Variants in DMD observed in about 807,000 individuals in gnomAD.
DMD encodes dystrophin, also known as mutant dystrophin.
In DMD, 63 loss-of-function variants were observed where a neutral mutation model predicts 330.1. The ratio of observed to expected loss-of-function variants is 0.19; its 90% CI spans 0.16 to 0.24. The LOEUF is 0.24. Ranked by LOEUF, DMD falls within the 10% of genes least tolerant of loss-of-function variation. The probability of loss-of-function intolerance (pLI) is 1.00; values close to 1 mark genes in which losing one functional copy is unlikely to be tolerated. For synonymous variants in DMD, 1,223 were observed against 959.8 expected (o/e 1.27, Z -5.07); for missense variants, 3,344 against 2,684.1 (o/e 1.25, Z -5.43).
At position 32,435,015 on chromosome X, in the gene DMD, T is replaced by A. The variant is rs562756858; in HGVS notation, c.4071+3226A>T. Among the ~76,000 whole-genome samples, 36 of 93,582 alleles carry A rather than the reference T, an allele frequency of 3.8e-4. No homozygotes were observed. In the South Asian group the frequency reaches 0.02, roughly 53 times the overall value. 81.3% of individuals were successfully genotyped at this position (93,582 alleles called of 115,157 possible). A position where few individuals can be genotyped will look rare whatever the true frequency, so the allele number is the denominator to read the frequency against. On this transcript the variant is annotated intron_variant, in intron 29 of 78. Coordinates refer to ENST00000357033, the MANE Select transcript of DMD (RefSeq NM_004006.3). ...GATAATAGTTTCAAGTTTACTTATT[T>A]TAGATTTATTGTTATTTTAACACTC...
chrX:32,275,892 T>C (rs113333965), intron 43 of DMD, among the ~76,000 whole-genome samples: 2 of 111,198 alleles, frequency 1.8e-5, no homozygotes, highest in South Asian at 3.8e-4. Flanking sequence ...AAAAGCACTG[T>C]CACCAGAACC....
intron 16 of DMD, among the ~76,000 whole-genome samples, chrX:32,558,938 CTTTTTTTTTTTTTTT>C (rs60739281): frequency 3.9e-5 from 2 of 50,816 alleles, no homozygotes; most frequent in African/African-American, 1.0e-4. Context: ...TTCAAATTTT[CTTTTTTTTTTTTTTT>C]TTTTTTTTTT....
intron 16 of DMD, among the ~76,000 whole-genome samples, chrX:32,556,917 C>A (rs752383764): frequency 9.0e-6 from 1 of 111,688 alleles, no homozygotes; most frequent in Non-Finnish European, 1.9e-5. Context: ...ACTAATTTAG[C>A]ATAAAATCTT....
At chrX:31,303,043 G>A (rs184522146) in intron 62 of DMD, among the ~76,000 whole-genome samples, 3 of 111,746 alleles carry the variant, frequency 2.7e-5, no homozygotes, top group South Asian at 3.7e-4. Flanking sequence ...ATGAAATTCC[G>A]ATCCTCTCTG....
At chrX:31,905,049 T>C (rs16989940) in intron 47 of DMD, among the ~76,000 whole-genome samples, 1 of 111,847 alleles carries the variant, frequency 8.9e-6, no homozygotes, top group East Asian at 2.8e-4. Context: ...TGGCGAATTT[T>C]AAAGTTTCAA....
intron 47 of DMD, among the ~76,000 whole-genome samples, chrX:31,906,816 C>T (rs1303826534): frequency 1.7e-4 from 19 of 111,807 alleles, no homozygotes; most frequent in Non-Finnish European, 3.4e-4. Flanking sequence ...TCCAACCTCA[C>T]CTTCTACTTT....
intron 52 of DMD, among the ~76,000 whole-genome samples, chrX:31,724,251 T>C (rs1018269298): frequency 3.6e-5 from 4 of 112,574 alleles, no homozygotes; most frequent in African/African-American, 1.3e-4. Context: ...TGGCATTTCA[T>C]TAGCAACAGA....
intron 45 of DMD, among the ~76,000 whole-genome samples, chrX:31,950,832 C>A (rs1314416759): frequency 9.2e-6 from 1 of 108,295 alleles, no homozygotes; most frequent in Non-Finnish European, 1.9e-5. Context: ...TTGCATAGTA[C>A]CTCTTTTTTC....
intron 44 of DMD, among the ~76,000 whole-genome samples, chrX:32,122,417 T>C (rs766358675): frequency 6.3e-5 from 7 of 111,764 alleles, no homozygotes; most frequent in East Asian, 2.8e-4. Context: ...TTTGGTATAA[T>C]TACCAGTCAC....
intron 37 of DMD, among the ~76,000 whole-genome samples, chrX:32,351,361 G>A (rs2097781337): frequency 9.0e-6 from 1 of 110,634 alleles, no homozygotes; most frequent in Non-Finnish European, 1.9e-5. Context: ...TTGTAATGGT[G>A]AACATGGAGG....
chrX:32,309,204 T>C (rs895352428), intron 42 of DMD, among the ~76,000 whole-genome samples: 3 of 111,585 alleles, frequency 2.7e-5, no homozygotes, highest in African/African-American at 9.7e-5. Flanking sequence ...ATTTGTATAT[T>C]CATACAGGCA....
chrX:31,750,120 T>C (rs2088373384), intron 51 of DMD, among the ~76,000 whole-genome samples: 1 of 110,594 alleles, frequency 9.0e-6, no homozygotes, highest in Non-Finnish European at 1.9e-5. Flanking sequence ...TGGTAGTTTC[T>C]TTTGCTGTGC....
chrX:32,206,029 G>A (rs2097067303), intron 44 of DMD: 2 of 503,966 alleles, frequency 4.0e-6, no homozygotes, highest in East Asian at 3.6e-5. Context: ...AGAACGGTCA[G>A]TTTAGGGGCT....
At chrX:31,836,563 A>G (rs1378975989) in intron 49 of DMD, among the ~76,000 whole-genome samples, 155 bp downstream of exon 49, 1 of 112,716 alleles carries the variant, frequency 8.9e-6, no homozygotes, top group Non-Finnish European at 1.9e-5. Context: ...ATGCTGATCA[A>G]AAAGACAGCT....
At chrX:31,953,093 T>C (rs2095204749) in intron 45 of DMD, among the ~76,000 whole-genome samples, 1 of 112,609 alleles carries the variant, frequency 8.9e-6, no homozygotes, top group South Asian at 3.7e-4. Context: ...TTAAAGGGTA[T>C]ATTCAACATG....
rs924008256 is a variant in DMD at position 33,244,790 on chromosome X, T to A, written c.7+94469A>T. On this transcript the variant is annotated intron_variant, in intron 1 of 17. Coordinates refer to the DMD transcript ENST00000288447. The stretch of plus-strand genomic sequence containing the variant: ...ACAAAACGAAATGGAAGAATTTATC[T>A]GGTAGGAGTGTATTTTGATGTGACC... Among the ~76,000 whole-genome samples the A allele has an allele frequency of 3.6e-5, 4 of 111,928 alleles. No homozygotes were observed. The Admixed American group carries it at 3.8e-4, about 11-fold the overall frequency.
intron 2 of DMD, among the ~76,000 whole-genome samples, chrX:32,943,746 T>C (rs1490782104): frequency 8.9e-6 from 1 of 112,206 alleles, no homozygotes; most frequent in African/African-American, 3.2e-5. Flanking sequence ...ACTGCTCTCA[T>C]GAAATAAATT....
At chrX:33,115,045 TCA>T (rs1408407010) in intron 1 of DMD, among the ~76,000 whole-genome samples, 2 of 112,447 alleles carry the variant, frequency 1.8e-5, no homozygotes, top group Non-Finnish European at 3.7e-5. Context: ...CTTCATACTT[TCA>T]GTTAGGATGA....
At chrX:33,153,030 A>G (rs1015768930) in intron 1 of DMD, among the ~76,000 whole-genome samples, 10 of 112,751 alleles carry the variant, frequency 8.9e-5, no homozygotes, top group Non-Finnish European at 1.5e-4. Flanking sequence ...ACAAATGTAG[A>G]TGGTGCAGCA....
Sources: gnomAD v4.1 joint callset for allele counts (sites outside exome capture counted in the v4.1 genomes callset) on GRCh38, gnomAD v4.1.1 for gene constraint, MANE v1.5 for transcripts, NCBI Gene and HGNC (gene_info 2026-07-23, HGNC 2026-07-21) for gene names.